Variants in MRPS27 observed in about 807,000 individuals in gnomAD.
MRPS27 encodes small ribosomal subunit protein mS27.
A neutral mutation model predicts 48.9 loss-of-function variants in MRPS27; 43 were observed. The ratio of observed to expected loss-of-function variants is 0.88; its 90% CI spans 0.69 to 1.13. The LOEUF (loss-of-function observed/expected upper bound fraction) is 1.13, where lower values mean the gene tolerates loss of function less well. Ranked by LOEUF, MRPS27 falls within the 50% of genes most tolerant of loss-of-function variation. MRPS27 has a pLI of 0.00. For missense variants in MRPS27, 467 were observed against 476.3 expected (o/e 0.98, Z 0.18); for synonymous variants, 188 against 171.9 (o/e 1.09, Z -0.73).
chr5:72,255,178 G>A (rs1388279781), intron 4 of MRPS27, among the ~76,000 whole-genome samples: 3 of 151,280 alleles, frequency 2.0e-5, no homozygotes, highest in Non-Finnish European at 4.4e-5. Context: ...AGTCTCCTGA[G>A]TAACTGGGAT....
At chr5:72,302,203 G>A (rs961367456) in intron 2 of MRPS27, among the ~76,000 whole-genome samples, 5 of 152,136 alleles carry the variant, frequency 3.3e-5, no homozygotes, top group South Asian at 2.1e-4. Flanking sequence ...TACTATTAAC[G>A]ATCTCAGAAT....
chr5:72,285,574 C>T (rs1749650633), intron 4 of MRPS27, among the ~76,000 whole-genome samples: 1 of 152,156 alleles, frequency 6.6e-6, no homozygotes, highest in South Asian at 2.1e-4. Flanking sequence ...TCGATCATAG[C>T]TCATTGTAGC....
At chr5:72,297,252 T>C (rs1245214504) in intron 3 of MRPS27, among the ~76,000 whole-genome samples, 2 of 152,210 alleles carry the variant, frequency 1.3e-5, no homozygotes, top group Non-Finnish European at 2.9e-5. Context: ...TTAACATTAA[T>C]ATCCATTCTT....
At chr5:72,259,009 C>A (rs968192238) in intron 4 of MRPS27, among the ~76,000 whole-genome samples, 12 of 152,118 alleles carry the variant, frequency 7.9e-5, no homozygotes, top group African/African-American at 2.9e-4. Context: ...CATATTATAT[C>A]TACTTTCTCT....
In MRPS27 at chr5:72,292,169, C is replaced by CTTGGTTT. The variant is rs577295822; in HGVS notation, c.281+3355_281+3361dup. Among the ~76,000 whole-genome samples the CTTGGTTT allele has an allele frequency of 4.5e-3, 547 of 120,894 alleles. 1 individual carries two copies. Among genetic ancestry groups the CTTGGTTT allele is most frequent in the African/African-American group, 0.017 (532 of 31,718 alleles). The allele number at this position is 120,894 out of a possible 152,430, so 79.3% of individuals were successfully genotyped here. A position where few individuals can be genotyped will look rare whatever the true frequency, so the allele number is the denominator to read the frequency against. Reference sequence around the variant, plus strand: ...TGTTGCTATTTTAATCACTTTTACTCTTGGTTTATTTTCCTTTTATATGGG... The same window carrying CTTGGTTT: ...TGTTGCTATTTTAATCACTTTTACTCTTGGTTTTTGGTTTATTTTCCTTTTATATGGG... On this transcript the variant is annotated intron_variant, in intron 4 of 10. Coordinates refer to ENST00000261413, the MANE Select transcript of MRPS27 (RefSeq NM_015084.3).
At chr5:72,221,714 C>T (rs1747746516) in intron 10 of MRPS27, among the ~76,000 whole-genome samples, 1 of 152,232 alleles carries the variant, frequency 6.6e-6, no homozygotes, top group African/African-American at 2.4e-5. Context: ...TTCCTCTCAA[C>T]AGACGGAAAT....
intron 2 of MRPS27, among the ~76,000 whole-genome samples, chr5:72,311,399 C>T (rs1471598600): frequency 2.0e-5 from 3 of 152,126 alleles, no homozygotes; most frequent in African/African-American, 7.2e-5. Flanking sequence ...GTAAAAGTAG[C>T]GCTGTGGTTT....
chr5:72,232,982 G>A (rs570104744), intron 6 of MRPS27, among the ~76,000 whole-genome samples: 36 of 152,204 alleles, frequency 2.4e-4, no homozygotes, highest in African/African-American at 8.7e-4. Flanking sequence ...AAGGCATAAA[G>A]GAGACACATA....
At chr5:72,244,763 C>G (rs1011051692) in intron 4 of MRPS27, among the ~76,000 whole-genome samples, 19 of 151,924 alleles carry the variant, frequency 1.3e-4, no homozygotes, top group African/African-American at 4.6e-4. Flanking sequence ...AAGTGATCTT[C>G]CTGCCTTGGC....
chr5:72,290,870 A>G (rs1749799635), intron 4 of MRPS27, among the ~76,000 whole-genome samples: 1 of 152,232 alleles, frequency 6.6e-6, no homozygotes, highest in Non-Finnish European at 1.5e-5. Flanking sequence ...AGCAGCTGTT[A>G]GCTGAGCTGT....
intron 7 of MRPS27, among the ~76,000 whole-genome samples, chr5:72,230,761 A>C (rs1306821507): frequency 6.6e-6 from 1 of 152,138 alleles, no homozygotes; most frequent in African/African-American, 2.4e-5. Flanking sequence ...GATTTTTCTC[A>C]TAACATCCAG....
chr5:72,227,318 G>A (rs1401585437), intron 8 of MRPS27: 1 of 152,092 alleles, frequency 6.6e-6, no homozygotes, highest in Non-Finnish European at 1.5e-5. Flanking sequence ...ATCAAAAGTA[G>A]GTGGCAAATA....
At chr5:72,313,469 A>G (rs939272877) in intron 2 of MRPS27, among the ~76,000 whole-genome samples, 1 of 152,244 alleles carries the variant, frequency 6.6e-6, no homozygotes, top group Non-Finnish European at 1.5e-5. Context: ...AGTCTAAAGT[A>G]TGCACATTTT....
chr5:72,313,733 A>G (rs1427036421), intron 2 of MRPS27, among the ~76,000 whole-genome samples: 1 of 152,256 alleles, frequency 6.6e-6, no homozygotes, highest in Non-Finnish European at 1.5e-5. Flanking sequence ...AGAGGAGTTA[A>G]GAAAATAAAG....
At chr5:72,308,345 G>A (rs1185177333) in intron 2 of MRPS27, among the ~76,000 whole-genome samples, 6 of 152,214 alleles carry the variant, frequency 3.9e-5, no homozygotes, top group East Asian at 1.9e-4. Flanking sequence ...CCCACACGCC[G>A]CAGTGTCCCT....
intron 4 of MRPS27, among the ~76,000 whole-genome samples, chr5:72,278,213 CG>C (rs1749433018): frequency 6.6e-6 from 1 of 152,016 alleles, no homozygotes; most frequent in Non-Finnish European, 1.5e-5. Flanking sequence ...GAGGCCGAGG[CG>C]GGCGGATCAC....
intron 8 of MRPS27, chr5:72,227,040 A>C (rs184148694): frequency 2.0e-3 from 307 of 152,382 alleles, no homozygotes; most frequent in African/African-American, 7.1e-3. Context: ...GGCGACAGCT[A>C]ATTTTAGACC....
intron 9 of MRPS27, 69 bp downstream of exon 9, chr5:72,225,988 A>C: frequency 6.5e-6 from 10 of 1,531,972 alleles, no homozygotes; most frequent in Non-Finnish European, 8.9e-6. Flanking sequence ...GACAATGAAA[A>C]CAAATTTAAA....
rs906150800 is a variant in MRPS27, at chr5:72,235,003, G to C, written c.397-806C>G. ...TCTTGGAACCAGTAGAAACACCTGA[G>C]GAATTTTTCCAAACTATATCCATAT... On this transcript the variant is annotated intron_variant, in intron 5 of 10. Coordinates refer to ENST00000261413, the MANE Select transcript of MRPS27 (RefSeq NM_015084.3). Among the ~76,000 whole-genome samples the C allele has an allele frequency of 7.2e-5, 11 of 152,194 alleles. No homozygotes were observed. The South Asian group carries it at 1.0e-3, about 14-fold the overall frequency.
Sources: gnomAD v4.1 joint callset for allele counts (sites outside exome capture counted in the v4.1 genomes callset) on GRCh38, gnomAD v4.1.1 for gene constraint, MANE v1.5 for transcripts, NCBI Gene and HGNC (gene_info 2026-07-23, HGNC 2026-07-21) for gene names.